BTBD7: variants seen among roughly 807,000 people sequenced by gnomAD.
The protein encoded by BTBD7 is BTB domain containing 7, also known as BTB/POZ domain-containing protein 7.
A neutral mutation model predicts 99.9 loss-of-function variants in BTBD7; 38 were observed. The observed-to-expected ratio is 0.38, with a 90% CI of 0.29 to 0.50. The LOEUF (loss-of-function observed/expected upper bound fraction) is 0.50, where lower values mean the gene tolerates loss of function less well. BTBD7 is among the 20% of genes least tolerant of loss of function. BTBD7 has a pLI of 0.93. For missense variants in BTBD7, 1,170 were observed against 1,394.6 expected (o/e 0.84, Z 2.57); for synonymous variants, 520 against 511.4 (o/e 1.02, Z -0.23).
Position 93,306,012 on chromosome 14 carries a change from C to T in BTBD7, c.-106-9855G>A, listed in dbSNP as rs544605666. ...TACTTTCCAAAGGCCCTACGTTCAA[C>T]TGACATACAGATTTGGGGATTAAGT... On this transcript the variant is annotated intron_variant, in intron 1 of 10. Coordinates refer to ENST00000334746, the MANE Select transcript of BTBD7 (RefSeq NM_001002860.4). 5.9e-5 allele frequency among the ~76,000 whole-genome samples: 9 copies of T among 152,330 alleles called. No individual in the cohort carries two copies. The South Asian group carries it at 1.5e-3, about 25-fold the overall frequency.
intron 3 of BTBD7, among the ~76,000 whole-genome samples, chr14:93,289,909 T>G (rs935660958): frequency 7.1e-6 from 1 of 141,566 alleles, no homozygotes; most frequent in Non-Finnish European, 1.5e-5. Flanking sequence ...AGGCTTGGAG[T>G]GCAGTGCTGT....
At position 93,263,710 on chromosome 14, in the gene BTBD7, AAG is replaced by A. The variant is rs966343746; in HGVS notation, c.1371+73_1371+74del. On this transcript the variant is annotated intron_variant, in intron 4 of 10. Coordinates refer to ENST00000334746, the MANE Select transcript of BTBD7 (RefSeq NM_001002860.4). ...TCTTCCCCTGCCCTACCCTAGATGGAAGAGTAATAGAGCATAGATGGGTTTCT... is the reference window on the plus strand; with the variant it reads ...TCTTCCCCTGCCCTACCCTAGATGGAAGTAATAGAGCATAGATGGGTTTCT... 6.5e-6 allele frequency: 9 copies of A among 1,379,154 alleles called. No individual in the cohort carries two copies. In the Admixed American group the frequency reaches 1.5e-4, roughly 24 times the overall value. 85.4% of individuals were successfully genotyped at this position (1,379,154 alleles called of 1,614,324 possible).
Position 93,246,131 on chromosome 14 carries a change from G to C in BTBD7, c.2277C>G (p.Pro759=). ...DSFVAFHPPL[P]PPPPPYHPPA... ...GGGGGTGGTAGGGAGGTGGTGGAGG[G>C]GGCAAGGGTGGATGGAAGGCCACAA... is the stretch of plus-strand genomic sequence containing the variant. The change falls in exon 10 of 11, where the codon CCC becomes CCG. Residue 759 remains proline, a synonymous_variant. Transcript: ENST00000334746. 2 of 1,268,004 alleles carry C rather than the reference G, an allele frequency of 1.6e-6. No individual in the cohort carries two copies. The highest frequency in any genetic ancestry group is 2.2e-6 in the Non-Finnish European group (2 of 918,022). 78.5% of individuals were successfully genotyped at this position (1,268,004 alleles called of 1,614,324 possible).
At chr14:93,260,505 G>A (rs2052475125) in intron 5 of BTBD7, among the ~76,000 whole-genome samples, 1 of 151,976 alleles carries the variant, frequency 6.6e-6, no homozygotes, top group Non-Finnish European at 1.5e-5. Context: ...TGACCCCACT[G>A]GGAGGTCATT....
At position 93,313,912 on chromosome 14, in the gene BTBD7, AT is replaced by A. The variant is rs111414720; in HGVS notation, c.-106-17756del. Among the ~76,000 whole-genome samples the A allele has an allele frequency of 4.4e-3, 627 of 143,558 alleles. 5 individuals carry two copies. Among genetic ancestry groups the A allele is most frequent in the East Asian group, 0.024 (120 of 4,996 alleles). 94.2% of individuals were successfully genotyped at this position (143,558 alleles called of 152,430 possible). A position where few individuals can be genotyped will look rare whatever the true frequency, so the allele number is the denominator to read the frequency against. ...GCGTGCCCAGCTAATGAACAACAAA[AT>A]TTTTTTTTTTTTTGGTACAGACGGG... On this transcript the variant is annotated intron_variant, in intron 1 of 10. Transcript: ENST00000334746.
intron 1 of BTBD7, among the ~76,000 whole-genome samples, chr14:93,302,145 AGACACTCAACAACCTTGGTTC>A (rs2053012419): frequency 6.6e-6 from 1 of 152,214 alleles, no homozygotes; most frequent in Non-Finnish European, 1.5e-5. Context: ...TCCAGAGGTG[AGACACTCAACAACCTTGGTTC>A]GATTTTGGAT....
chr14:93,322,972 A>G (rs985524345), intron 1 of BTBD7, among the ~76,000 whole-genome samples: 1 of 152,078 alleles, frequency 6.6e-6, no homozygotes, highest in African/African-American at 2.4e-5. Context: ...AATGTTTACA[A>G]ATTAGCTGAG....
chr14:93,242,535 T>C lies in BTBD7; in HGVS notation c.3137A>G (p.Asn1046Ser), dbSNP rs146841523. 761 of 1,614,190 alleles carry C rather than the reference T, an allele frequency of 4.7e-4. 3 individuals carry two copies. In the African/African-American group the frequency reaches 8.9e-3, roughly 19 times the overall value. ...RSDFPLAAPE[N>S]ASTGPAHVRG... ...GACATGGGCTGGACCGGTACTAGCA[T>C]TTTCTGGGGCTGCCAAAGGAAAGTC... The change falls in exon 11 of 11, where the codon AAT becomes AGT. Residue 1046 changes from asparagine (N) to serine (S), a missense_variant. Physicochemically the swap from Asn to Ser is conservative, Grantham distance 46 (BLOSUM62 1). This residue lies in a region of BTBD7 where 495 missense variants were observed against 525.9 expected (regional missense o/e 0.94). Coordinates refer to ENST00000334746, the MANE Select transcript of BTBD7 (RefSeq NM_001002860.4).
chr14:93,310,043 G>C (rs1159056993), intron 1 of BTBD7, among the ~76,000 whole-genome samples: 1 of 151,960 alleles, frequency 6.6e-6, no homozygotes, highest in Non-Finnish European at 1.5e-5. Context: ...ATAGCTCACT[G>C]CAACCTCAAA....
rs900442294 is a variant in BTBD7 at position 93,251,760 on chromosome 14, C to T, written c.1753-108G>A. 5 of 1,027,798 alleles carry T rather than the reference C, an allele frequency of 4.9e-6. No homozygotes were observed. In the East Asian group the frequency reaches 1.2e-4, roughly 25 times the overall value. The allele number at this position is 1,027,798 out of a possible 1,614,324, so 63.7% of individuals were successfully genotyped here. ...AAATAAAAAGGGAATTAATTTATTT[C>T]TATTTTATAAATGTTAACATTAGTG... On this transcript the variant is annotated intron_variant, in intron 7 of 10. Coordinates refer to ENST00000334746, the MANE Select transcript of BTBD7 (RefSeq NM_001002860.4).
intron 2 of BTBD7, 150 bp from the exon 3 acceptor site, chr14:93,295,087 C>T: frequency 1.3e-6 from 1 of 751,276 alleles, no homozygotes; most frequent in Non-Finnish European, 2.0e-6. Context: ...ACAAAAAGTT[C>T]AATTAACTCA....
intron 1 of BTBD7, among the ~76,000 whole-genome samples, chr14:93,304,289 A>C (rs2053043969): frequency 6.6e-6 from 1 of 152,222 alleles, no homozygotes. Context: ...GAGTGTACAG[A>C]AAGATGGTTC....
intron 6 of BTBD7, chr14:93,256,948 T>A (rs1199841625): frequency 2.2e-6 from 1 of 453,888 alleles, no homozygotes; most frequent in Admixed American, 3.9e-5. Flanking sequence ...TTAACTCTGC[T>A]AGAAATAATG....
chr14:93,266,528 AAC>A (rs2052545475), intron 3 of BTBD7, among the ~76,000 whole-genome samples: 1 of 152,210 alleles, frequency 6.6e-6, no homozygotes. Flanking sequence ...GTTCCTAGGA[AAC>A]AGACAGATGT....
rs2052798684 is a variant in BTBD7, at chr14:93,287,852, G to T, written c.1162+6006C>A. 3 of 152,182 alleles carry T rather than the reference G, an allele frequency of 2.0e-5. No individual in the cohort carries two copies. The South Asian group carries it at 6.2e-4, about 32-fold the overall frequency. The allele number at this position is 152,182 out of a possible 1,614,324, so 9.4% of individuals were successfully genotyped here. ...TGTTCTTGGTTTGCTTCGTCATTTG[G>T]TGGAATACATTCCCAGCAGCTGCCT... On this transcript the variant is annotated intron_variant, in intron 3 of 10. Coordinates refer to ENST00000334746, the MANE Select transcript of BTBD7 (RefSeq NM_001002860.4).
intron 1 of BTBD7, among the ~76,000 whole-genome samples, chr14:93,300,702 A>G (rs770075294): frequency 3.5e-4 from 38 of 107,504 alleles, no homozygotes; most frequent in Non-Finnish European, 6.1e-4. Flanking sequence ...TGCCCAGCTA[A>G]TTTGTGTGTG....
At chr14:93,246,340 T>C (rs1181806692) in intron 9 of BTBD7, 54 bp from the exon 10 acceptor site, 6 of 1,451,152 alleles carry the variant, frequency 4.1e-6, no homozygotes, top group Non-Finnish European at 5.5e-6. Context: ...ATTTCATAAG[T>C]GGAAATTTAT....
intron 9 of BTBD7, among the ~76,000 whole-genome samples, chr14:93,248,082 G>A (rs992418260): frequency 6.6e-6 from 1 of 152,236 alleles, no homozygotes; most frequent in East Asian, 1.9e-4. Flanking sequence ...CATGCACACT[G>A]TGGAATTTTT....
chr14:93,279,633 C>T (rs1205867707), intron 3 of BTBD7, among the ~76,000 whole-genome samples: 4 of 152,076 alleles, frequency 2.6e-5, no homozygotes, highest in African/African-American at 2.4e-5. Context: ...CTGCAACCTC[C>T]GACTCCCGGG....
Sources: gnomAD v4.1 joint callset for allele counts (sites outside exome capture counted in the v4.1 genomes callset) on GRCh38, gnomAD v4.1.1 for gene constraint, gnomAD v4.1.1 regional missense constraint, MANE v1.5 for transcripts, NCBI Gene and HGNC (gene_info 2026-07-23, HGNC 2026-07-21) for gene names.